METTL25B: variants seen among roughly 807,000 people sequenced by gnomAD.
METTL25B encodes the protein methyltransferase like 25B.
Under a neutral mutation model 48.4 loss-of-function variants are expected in METTL25B, and 38 were observed. The ratio of observed to expected loss-of-function variants is 0.78; its 90% CI spans 0.61 to 1.03. The LOEUF (loss-of-function observed/expected upper bound fraction) is 1.03. METTL25B is among the 50% of genes least tolerant of loss of function. METTL25B has a pLI of 0.00. For missense variants in METTL25B, 537 were observed against 603.7 expected (o/e 0.89, Z 1.16); for synonymous variants, 230 against 254.5 (o/e 0.90, Z 0.92).
rs1558019757 is a variant in METTL25B, at chr1:156,732,430, A to T, written c.386A>T (p.His129Leu). ...CGACTAACAGCTCCATTCCGGAAACATGTCAGGCCCAAGAAGCAGCATGAG... is the reference window on the plus strand; with the variant it reads ...CGACTAACAGCTCCATTCCGGAAACTTGTCAGGCCCAAGAAGCAGCATGAG... ...SSRLTAPFRKHVRPKKQHEIR... is the reference protein window; with the variant it reads ...SSRLTAPFRKLVRPKKQHEIR... Residue 129 changes from histidine (H) to leucine (L), a missense_variant, in exon 3 of 8, where the codon CAT becomes CTT. By Grantham distance (99) the His-to-Leu change is moderately conservative (BLOSUM62 -3). Coordinates refer to ENST00000368216, the MANE Select transcript of METTL25B (RefSeq NM_015997.4). The T allele has an allele frequency of 6.2e-7, 1 of 1,614,020 alleles. No individual in the cohort carries two copies. The highest frequency in any genetic ancestry group is 8.5e-7 in the Non-Finnish European group (1 of 1,180,032).
In METTL25B at chr1:156,728,859, C is replaced by T. The variant is rs61493743; in HGVS notation, c.-246C>T. 249 of 689,110 alleles carry T rather than the reference C, an allele frequency of 3.6e-4. No homozygotes were observed. The African/African-American group carries it at 3.7e-3, about 10-fold the overall frequency. The allele number at this position is 689,110 out of a possible 1,614,324, so 42.7% of individuals were successfully genotyped here. ...TGGCGTCACTGCACTGTTACCCCGC[C>T]CTACGTGTCTCTGACGCTGACACCT... On this transcript the variant is annotated 5_prime_UTR_variant, in exon 1 of 8. Transcript: ENST00000368216.
rs924493531 is a variant in METTL25B, at chr1:156,732,527, G to T, written c.429+54G>T. ...GTCTGGGAGCCCAGGGACTCCTTAA[G>T]CCTGGCTTACAAATATGTGTGCCCT... On this transcript the variant is annotated intron_variant, in intron 3 of 7. Coordinates refer to ENST00000368216, the MANE Select transcript of METTL25B (RefSeq NM_015997.4). The T allele has an allele frequency of 3.2e-6, 5 of 1,567,262 alleles. No individual in the cohort carries two copies. The Admixed American group carries it at 8.6e-5, about 27-fold the overall frequency.
chr1:156,736,537 C>G, intron 7 of METTL25B, 95 bp from the exon 8 acceptor site: 2 of 1,477,408 alleles, frequency 1.4e-6, no homozygotes, highest in East Asian at 4.6e-5. Flanking sequence ...GGATCCTCCC[C>G]CATGGGGAAA....
rs896799650 is a variant in METTL25B, at chr1:156,728,551, C to A, written c.-554C>A. On this transcript the variant is annotated 5_prime_UTR_variant, in exon 1 of 8. Transcript: ENST00000368216. The stretch of plus-strand genomic sequence containing the variant: ...CGGCGCGCGCACACCCGCACCGCCC[C>A]GACCCCAGGTAGTGAGGCCAGTGAT... 5 of 985,434 alleles carry A rather than the reference C, an allele frequency of 5.1e-6. No individual in the cohort carries two copies. In the African/African-American group the frequency reaches 5.2e-5, roughly 10 times the overall value. 61.0% of individuals were successfully genotyped at this position (985,434 alleles called of 1,614,324 possible).
At chr1:156,733,311 C>G in intron 4 of METTL25B, 66 bp from the exon 5 acceptor site, 5 of 1,575,486 alleles carry the variant, frequency 3.2e-6, no homozygotes, top group Non-Finnish European at 4.3e-6. Flanking sequence ...TCCAGGTTAC[C>G]CATGGGGAGG....
In METTL25B at chr1:156,732,325, C is replaced by T. The variant is rs1163529192; in HGVS notation, c.281C>T (p.Thr94Met). ...CTCACCCTGCTGGCCCTGAAGTCCA[C>T]GGCGTGTGCCCTGGCCTTTACCCGG... Reference protein sequence around the residue: ...WPLTLLALKSTACALAFTRMP... With the variant: ...WPLTLLALKSMACALAFTRMP... The change falls in exon 3 of 8, where the codon ACG becomes ATG. Residue 94 changes from threonine (T) to methionine (M), a missense_variant. Transcript: ENST00000368216. The T allele has an allele frequency of 1.1e-5, 18 of 1,614,232 alleles. No individual in the cohort carries two copies. The highest frequency in any genetic ancestry group is 2.2e-5 in the East Asian group (1 of 44,888).
chr1:156,730,028 C>G (rs1256407317), intron 1 of METTL25B, among the ~76,000 whole-genome samples: 1 of 152,170 alleles, frequency 6.6e-6, no homozygotes, highest in Non-Finnish European at 1.5e-5. Context: ...CCGTTGCTGC[C>G]ACCCTAGGCC....
chr1:156,734,030 C>T lies in METTL25B; in HGVS notation c.658C>T (p.His220Tyr), dbSNP rs761255777. Residue 220 changes from histidine (H) to tyrosine (Y), a missense_variant, in exon 6 of 8, where the codon CAC becomes TAC. By Grantham distance (83) the His-to-Tyr change is moderately conservative (BLOSUM62 2). Transcript: ENST00000368216. The part of the protein sequence containing the change: ...NPQVVQTSPR[H>Y]SPHHVVRWVD... ...ACAGGTGGTCCAAACCAGCCCTCGT[C>T]ACTCCCCACACCACGTGGTTAGGTG... The T allele has an allele frequency of 6.2e-7, 1 of 1,606,310 alleles. No individual in the cohort carries two copies. The highest frequency in any genetic ancestry group is 8.5e-7 in the Non-Finnish European group (1 of 1,174,972).
chr1:156,728,902 G>A lies in METTL25B; in HGVS notation c.-203G>A, dbSNP rs573501452. The A allele has an allele frequency of 2.6e-4, 152 of 592,494 alleles. 3 individuals carry two copies. The highest frequency in any genetic ancestry group is 2.2e-3 in the South Asian group (81 of 36,886). The allele number at this position is 592,494 out of a possible 1,614,324, so 36.7% of individuals were successfully genotyped here. A position where few individuals can be genotyped will look rare whatever the true frequency, so the allele number is the denominator to read the frequency against. On this transcript the variant is annotated 5_prime_UTR_variant, in exon 1 of 8. Coordinates refer to ENST00000368216, the MANE Select transcript of METTL25B (RefSeq NM_015997.4). Reference sequence around the variant, plus strand: ...TGACACCTTCTCACTGTGAAACGTCGCGACCTGTGACGTCTGGGGGGCGCC... The same window carrying A: ...TGACACCTTCTCACTGTGAAACGTCACGACCTGTGACGTCTGGGGGGCGCC...
chr1:156,733,016 G>C lies in METTL25B; in HGVS notation c.461G>C (p.Cys154Ser), dbSNP rs772134509. The C allele has an allele frequency of 1.2e-6, 2 of 1,614,122 alleles. No homozygotes were observed. The highest frequency in any genetic ancestry group is 3.3e-5 in the Admixed American group (2 of 60,018). ...AAGAAGCTGAGTGATTTCACAGGCT[G>C]CACCCAGGTTGTAGACGTGGGCTCA... ...LVKKLSDFTG[C>S]TQVVDVGSGQ... The change falls in exon 4 of 8, where the codon TGC becomes TCC. Residue 154 changes from cysteine (C) to serine (S), a missense_variant. Cys to Ser is a moderately radical substitution (Grantham distance 112, BLOSUM62 -1). Transcript: ENST00000368216.
chr1:156,733,971 G>T, intron 5 of METTL25B, 38 bp from the exon 6 acceptor site: 1 of 1,555,642 alleles, frequency 6.4e-7, no homozygotes, highest in South Asian at 1.2e-5. Context: ...ACAGCAAACA[G>T]ACTTCCCATC....
Position 156,728,476 on chromosome 1 carries a change from G to T in METTL25B, c.-629G>T. ...GAGCCGGATGCGGAAATCGGTGCGC[G>T]CCGACGAAGCCCGGGAAGGCAGGCG... On this transcript the variant is annotated 5_prime_UTR_variant, in exon 1 of 8. Transcript: ENST00000368216. 1 of 984,326 alleles carries T rather than the reference G, an allele frequency of 1.0e-6. No homozygotes were observed. The highest frequency in any genetic ancestry group is 6.2e-5 in the Admixed American group (1 of 16,250). The allele number at this position is 984,326 out of a possible 1,614,324, so 61.0% of individuals were successfully genotyped here.
intron 1 of METTL25B, among the ~76,000 whole-genome samples, chr1:156,730,121 C>T (rs774424400): frequency 5.3e-5 from 8 of 152,242 alleles, no homozygotes; most frequent in Non-Finnish European, 1.2e-4. Flanking sequence ...ACCAATTCTT[C>T]ACTGAGCAGC....
At chr1:156,736,137 G>A in intron 7 of METTL25B, 1 of 381,492 alleles carries the variant, frequency 2.6e-6, no homozygotes, top group Non-Finnish European at 4.7e-6. Context: ...GGAGGCCAGG[G>A]TGGGTAGATC....
chr1:156,736,767 A>G lies in METTL25B; in HGVS notation c.*14A>G, dbSNP rs8658. 0.66 allele frequency: 1,064,027 copies of G among 1,607,556 alleles called. 356,377 individuals carry two copies. The highest frequency in any genetic ancestry group is 0.81 in the Admixed American group (48,225 of 59,888). On this transcript the variant is annotated 3_prime_UTR_variant, in exon 8 of 8. Coordinates refer to ENST00000368216, the MANE Select transcript of METTL25B (RefSeq NM_015997.4). ...GAAGACAGCTGATGCAGCCTGAGGA[A>G]ACATCTCAGACCCCATCATCTGAAA...
chr1:156,729,743 C>T (rs924977773), intron 1 of METTL25B, among the ~76,000 whole-genome samples: 7 of 152,174 alleles, frequency 4.6e-5, no homozygotes, highest in Admixed American at 2.6e-4. Flanking sequence ...TCCTGCCTCC[C>T]CTATGATGTT....
intron 3 of METTL25B, 33 bp from the exon 4 acceptor site, chr1:156,732,952 T>G: frequency 6.3e-7 from 1 of 1,598,078 alleles, no homozygotes; most frequent in East Asian, 2.2e-5. Context: ...CAATAACCAG[T>G]GGCTAGGAGA....
chr1:156,733,717 G>A (rs987835755), intron 5 of METTL25B, 197 bp downstream of exon 5: 1 of 675,374 alleles, frequency 1.5e-6, no homozygotes, highest in African/African-American at 1.8e-5. Flanking sequence ...TTTACAAAGT[G>A]CTTTCCACAC....
chr1:156,729,250 G>A lies in METTL25B; in HGVS notation c.111+35G>A, dbSNP rs376151698. On this transcript the variant is annotated intron_variant, in intron 1 of 7. Coordinates refer to ENST00000368216, the MANE Select transcript of METTL25B (RefSeq NM_015997.4). ...CAGGGGCGTGGGTGGGATGTCTCTG[G>A]TCGTGTGGTTGGCTAGGTGCCCACG... 325 of 1,373,774 alleles carry A rather than the reference G, an allele frequency of 2.4e-4. 1 individual carries two copies. In the Middle Eastern group the frequency reaches 2.8e-3, roughly 12 times the overall value. The allele number at this position is 1,373,774 out of a possible 1,614,324, so 85.1% of individuals were successfully genotyped here. A position where few individuals can be genotyped will look rare whatever the true frequency, so the allele number is the denominator to read the frequency against.
Sources: allele counts gnomAD v4.1 joint callset (sites outside exome capture counted in the v4.1 genomes callset), GRCh38; gene constraint gnomAD v4.1.1; transcripts MANE v1.5; gene names NCBI Gene and HGNC (gene_info 2026-07-23, HGNC 2026-07-21).